NUMB: variants seen among roughly 807,000 people sequenced by gnomAD.
The protein encoded by NUMB is NUMB endocytic adaptor protein.
NUMB carries 29 observed loss-of-function variants against 59.7 expected under a neutral mutation model. That is an observed-to-expected ratio of 0.49 (90% CI 0.36 to 0.66). The LOEUF (loss-of-function observed/expected upper bound fraction) is 0.66, where lower values mean the gene tolerates loss of function less well. Ranked by LOEUF, NUMB falls within the 30% of genes least tolerant of loss-of-function variation. NUMB has a pLI of 0.00. For synonymous variants in NUMB, 288 were observed against 288.2 expected, an observed-to-expected ratio of 1.00 and a Z score of 0.01; for missense variants, 723 against 822.0, an observed-to-expected ratio of 0.88 and a Z score of 1.47.
At chr14:73,313,803 ATTTTTTTTTTC>A (rs1890922023) in intron 6 of NUMB, among the ~76,000 whole-genome samples, 1 of 147,522 alleles carries the variant, frequency 6.8e-6, no homozygotes, top group Non-Finnish European at 1.5e-5. Context: ...AAAAAAGATG[ATTTTTTTTTTC>A]TTTTTTTTTT....
At chr14:73,401,458 T>C (rs1471990410) in intron 2 of NUMB, among the ~76,000 whole-genome samples, 1 of 149,724 alleles carries the variant, frequency 6.7e-6, no homozygotes, top group Non-Finnish European at 1.5e-5. Context: ...TAACTGGCTA[T>C]AAACAAACAA....
At chr14:73,348,437 G>A (rs1276739097) in intron 4 of NUMB, among the ~76,000 whole-genome samples, 2 of 152,214 alleles carry the variant, frequency 1.3e-5, no homozygotes, top group African/African-American at 2.4e-5. Flanking sequence ...AATACTGGTC[G>A]GTGGCCTTTT....
chr14:73,283,269 T>C (rs1281272408), intron 10 of NUMB, among the ~76,000 whole-genome samples: 2 of 152,214 alleles, frequency 1.3e-5, no homozygotes, highest in Non-Finnish European at 2.9e-5. Context: ...CCCTCCGTAA[T>C]CATCTAGTCC....
chr14:73,384,388 T>C (rs1895394408), intron 2 of NUMB, among the ~76,000 whole-genome samples: 1 of 151,788 alleles, frequency 6.6e-6, no homozygotes. Context: ...CTCACCTGGC[T>C]TAAGACAAAA....
chr14:73,412,747 A>T (rs537535969), intron 1 of NUMB, among the ~76,000 whole-genome samples: 115 of 152,042 alleles, frequency 7.6e-4, no homozygotes, highest in Non-Finnish European at 1.5e-3. Context: ...TCTGCCTCTC[A>T]GCCTTTCAAG....
intron 4 of NUMB, among the ~76,000 whole-genome samples, chr14:73,348,553 G>T (rs932418844): frequency 6.6e-6 from 1 of 152,162 alleles, no homozygotes; most frequent in Admixed American, 6.5e-5. Context: ...TCATAGGAGC[G>T]CGAACTCTAT....
chr14:73,353,498 A>G (rs1043038314), intron 4 of NUMB, among the ~76,000 whole-genome samples: 1 of 151,092 alleles, frequency 6.6e-6, no homozygotes, highest in African/African-American at 2.4e-5. Context: ...CTATAAACGT[A>G]CTTAAATGCA....
intron 8 of NUMB, among the ~76,000 whole-genome samples, chr14:73,287,859 G>A (rs759900141): frequency 6.6e-6 from 1 of 152,164 alleles, no homozygotes; most frequent in Non-Finnish European, 1.5e-5. Flanking sequence ...TTTGTAAGCA[G>A]CCATGGAGAA....
At chr14:73,323,231 T>C (rs374702570) in intron 4 of NUMB, 27 bp from the exon 5 acceptor site, 2 of 1,499,916 alleles carry the variant, frequency 1.3e-6, no homozygotes, top group South Asian at 1.1e-5. Context: ...AAGTTAGGGC[T>C]ATTGCTATGT....
intron 1 of NUMB, among the ~76,000 whole-genome samples, chr14:73,434,962 C>T (rs556602197): frequency 2.2e-3 from 334 of 152,202 alleles, no homozygotes; most frequent in African/African-American, 7.6e-3. Flanking sequence ...GAGAATAAAT[C>T]TGGATCCATA....
intron 6 of NUMB, among the ~76,000 whole-genome samples, chr14:73,306,095 C>T (rs1382904919): frequency 2.0e-5 from 3 of 152,154 alleles, no homozygotes; most frequent in African/African-American, 7.2e-5. Flanking sequence ...AGAAACACAA[C>T]TTTCTTCAGG....
intron 4 of NUMB, among the ~76,000 whole-genome samples, chr14:73,343,000 C>T (rs1424152281): frequency 7.3e-6 from 1 of 136,324 alleles, no homozygotes; most frequent in African/African-American, 3.2e-5. Flanking sequence ...CTAATTTTTT[C>T]TGTTTTTTTT....
At chr14:73,302,025 G>A (rs1890162013) in intron 6 of NUMB, among the ~76,000 whole-genome samples, 1 of 152,128 alleles carries the variant, frequency 6.6e-6, no homozygotes, top group South Asian at 2.1e-4. Flanking sequence ...AGAGGTTGCA[G>A]TGAGCTGAGA....
chr14:73,318,776 A>T (rs1215143886), intron 5 of NUMB, among the ~76,000 whole-genome samples: 1 of 152,280 alleles, frequency 6.6e-6, no homozygotes, highest in East Asian at 1.9e-4. Context: ...TTATGCCCAG[A>T]AAGTTAAAAA....
At position 73,277,438 on chromosome 14, in the gene NUMB, GTC is replaced by G. The variant is rs1232209644; in HGVS notation, c.1241-147_1241-146del. ...TGTGGTTTTGATAGGTAGGAGTAAA[GTC>G]TCTATTACCAACTGGGATTTTGTGG... is the stretch of plus-strand genomic sequence containing the variant. On this transcript the variant is annotated intron_variant, in intron 12 of 12. Transcript: ENST00000555238. 4 of 663,480 alleles carry G rather than the reference GTC, an allele frequency of 6.0e-6. No homozygotes were observed. The East Asian group carries it at 1.1e-4, about 18-fold the overall frequency. 41.1% of individuals were successfully genotyped at this position (663,480 alleles called of 1,614,324 possible). A position where few individuals can be genotyped will look rare whatever the true frequency, so the allele number is the denominator to read the frequency against.
intron 2 of NUMB, among the ~76,000 whole-genome samples, chr14:73,392,661 T>C (rs1184635108): frequency 6.6e-6 from 1 of 152,244 alleles, no homozygotes; most frequent in Non-Finnish European, 1.5e-5. Flanking sequence ...CACAGTGTCA[T>C]ATATTTATTT....
chr14:73,326,472 C>CA (rs1190786083), intron 4 of NUMB, among the ~76,000 whole-genome samples: 13 of 151,852 alleles, frequency 8.6e-5, no homozygotes, highest in Admixed American at 8.5e-4. Context: ...ACTAAAAATA[C>CA]AAAAATTAGC....
In NUMB at chr14:73,322,926, T is replaced by G. The variant is rs923639093; in HGVS notation, c.201+204A>C. 3 of 402,756 alleles carry G rather than the reference T, an allele frequency of 7.4e-6. No individual in the cohort carries two copies. In the Admixed American group the frequency reaches 1.3e-4, roughly 18 times the overall value. 24.9% of individuals were successfully genotyped at this position (402,756 alleles called of 1,614,324 possible). ...GGCTGGTCTCAAACTCCTGGCCTCA[T>G]GTAATCCTCCTGCCTCAGCCTCCCA... On this transcript the variant is annotated intron_variant, in intron 5 of 12. Transcript: ENST00000555238.
intron 1 of NUMB, among the ~76,000 whole-genome samples, chr14:73,427,954 C>A (rs1296380752): frequency 6.6e-6 from 1 of 152,140 alleles, no homozygotes; most frequent in Non-Finnish European, 1.5e-5. Flanking sequence ...AAATAAGCAA[C>A]TAGATTTACC....
Sources: allele counts gnomAD v4.1 joint callset (sites outside exome capture counted in the v4.1 genomes callset), GRCh38; gene constraint gnomAD v4.1.1; transcripts MANE v1.5; gene names NCBI Gene and HGNC (gene_info 2026-07-23, HGNC 2026-07-21).